The following ISM1 variants were observed in gnomAD, a reference collection of about 807,000 sequenced individuals.
The protein encoded by ISM1 is isthmin 1.
A neutral mutation model predicts 46.3 loss-of-function variants in ISM1; 25 were observed. The observed-to-expected ratio is 0.54, with a 90% CI of 0.39 to 0.75. ISM1 has a LOEUF of 0.75. ISM1 is among the 30% of genes least tolerant of loss of function. The probability of loss-of-function intolerance (pLI) is 0.00; values close to 1 mark genes in which losing one functional copy is unlikely to be tolerated. For synonymous variants in ISM1, 255 were observed against 256.7 expected, an observed-to-expected ratio of 0.99 and a Z score of 0.06; for missense variants, 536 against 625.4, an observed-to-expected ratio of 0.86 and a Z score of 1.52.
intron 1 of ISM1, among the ~76,000 whole-genome samples, chr20:13,268,225 T>G (rs1303038859): frequency 6.6e-6 from 1 of 150,980 alleles, no homozygotes; most frequent in Non-Finnish European, 1.5e-5. Context: ...CTTCTCTTTC[T>G]CTCTTCTATT....
At chr20:13,234,037 T>C (rs1375337221) in intron 1 of ISM1, among the ~76,000 whole-genome samples, 2 of 152,312 alleles carry the variant, frequency 1.3e-5, no homozygotes, top group South Asian at 2.1e-4. Flanking sequence ...TGTGTAGTAG[T>C]GAAGTCTGGG....
Position 13,221,722 on chromosome 20 carries a change from A to ACCGCCG in ISM1, c.-45_-40dup, listed in dbSNP as rs1211798321. 9.9e-6 allele frequency: 13 copies of ACCGCCG among 1,313,260 alleles called. No homozygotes were observed. Among genetic ancestry groups the ACCGCCG allele is most frequent in the Middle Eastern group, 2.8e-4 (1 of 3,516 alleles). The allele number at this position is 1,313,260 out of a possible 1,614,324, so 81.4% of individuals were successfully genotyped here. A position where few individuals can be genotyped will look rare whatever the true frequency, so the allele number is the denominator to read the frequency against. On this transcript the variant is annotated 5_prime_UTR_variant, in exon 1 of 6. Transcript: ENST00000262487. The stretch of plus-strand genomic sequence containing the variant: ...CTCCTACTCCTCCTCCCCCGGCGTC[A>ACCGCCG]CCGCCGCCGCCGCCGGCCGCCGCGC...
chr20:13,310,909 A>C, the ISM1 span, among the ~76,000 whole-genome samples: 1 of 152,326 alleles, frequency 6.6e-6, no homozygotes, highest in African/African-American at 2.4e-5. Flanking sequence ...AAAAATATAA[A>C]GAGGCCAGGC....
At chr20:13,238,390 A>C (rs959128666) in intron 1 of ISM1, among the ~76,000 whole-genome samples, 1 of 152,202 alleles carries the variant, frequency 6.6e-6, no homozygotes, top group Admixed American at 6.5e-5. Context: ...AAATGGCAAA[A>C]TTCATAGCCC....
At chr20:13,252,652 G>A (rs1314948111) in intron 1 of ISM1, among the ~76,000 whole-genome samples, 2 of 152,140 alleles carry the variant, frequency 1.3e-5, no homozygotes, top group Non-Finnish European at 2.9e-5. Context: ...ATACTCAGGA[G>A]GCTGAGGCAG....
At chr20:13,297,909 G>A (rs760334128) in intron 5 of ISM1, among the ~76,000 whole-genome samples, 4 of 151,996 alleles carry the variant, frequency 2.6e-5, no homozygotes, top group African/African-American at 7.2e-5. Flanking sequence ...TAAGTGCCCC[G>A]GGCTCCTTCC....
intron 2 of ISM1, among the ~76,000 whole-genome samples, chr20:13,278,753 C>T (rs1301266221): frequency 6.6e-6 from 1 of 152,192 alleles, no homozygotes; most frequent in Non-Finnish European, 1.5e-5. Context: ...GAGCTTGTCT[C>T]TGCTCCATGT....
intron 4 of ISM1, among the ~76,000 whole-genome samples, chr20:13,290,685 A>T (rs1296644124): frequency 1.3e-5 from 2 of 152,178 alleles, no homozygotes; most frequent in Non-Finnish European, 2.9e-5. Flanking sequence ...AAAGAAAATG[A>T]AGATAAAGGT....
Position 13,279,784 on chromosome 20 carries a change from G to C in ISM1, c.529G>C (p.Asp177His). Residue 177 changes from aspartate to histidine, a missense_variant, in exon 3 of 6, where the codon GAC becomes CAC. Physicochemically the swap from Asp to His is moderately conservative, Grantham distance 81. This residue lies in a region of ISM1 where 367 missense variants were observed against 376.1 expected (regional missense o/e 0.98). Transcript: ENST00000262487. Reference protein sequence around the residue: ...SLARANSGDQDYKYDSTSDDS... With the variant: ...SLARANSGDQHYKYDSTSDDS... ...GGCCAGGGCAAACAGCGGGGACCAGGACTACAAGTACGACAGTACCTCAGA... is the reference window on the plus strand; with the variant it reads ...GGCCAGGGCAAACAGCGGGGACCAGCACTACAAGTACGACAGTACCTCAGA... The C allele has an allele frequency of 6.2e-7, 1 of 1,614,034 alleles. No homozygotes were observed. The highest frequency in any genetic ancestry group is 8.5e-7 in the Non-Finnish European group (1 of 1,179,898).
chr20:13,274,500 T>G (rs1338313397), intron 2 of ISM1, among the ~76,000 whole-genome samples: 1 of 152,172 alleles, frequency 6.6e-6, no homozygotes, highest in Admixed American at 6.5e-5. Context: ...AGCTGGAGCC[T>G]GGGAGCTGAA....
Position 13,221,763 on chromosome 20 carries a change from C to A in ISM1, c.-14C>A, listed in dbSNP as rs2039451431. The A allele has an allele frequency of 2.8e-6, 4 of 1,429,554 alleles. No homozygotes were observed. The highest frequency in any genetic ancestry group is 1.5e-5 in the African/African-American group (1 of 67,274). 88.6% of individuals were successfully genotyped at this position (1,429,554 alleles called of 1,614,324 possible). On this transcript the variant is annotated 5_prime_UTR_variant, in exon 1 of 6. Transcript: ENST00000262487. ...GCCGCCGCGCCGGGTCCTAAAGCCG[C>A]GCGTCTCAAAAGGATGGTGCGCCTG... is the stretch of plus-strand genomic sequence containing the variant.
At chr20:13,223,090 G>A (rs1271388494) in intron 1 of ISM1, among the ~76,000 whole-genome samples, 1 of 151,912 alleles carries the variant, frequency 6.6e-6, no homozygotes, top group Admixed American at 6.6e-5. Flanking sequence ...TTGAACCCGG[G>A]AGGTTGTAGT....
chr20:13,297,758 G>C (rs1269021978), intron 5 of ISM1, among the ~76,000 whole-genome samples: 2 of 152,142 alleles, frequency 1.3e-5, no homozygotes, highest in African/African-American at 4.8e-5. Flanking sequence ...TTTATAATTG[G>C]AATAACCTAA....
intron 4 of ISM1, 57 bp downstream of exon 4, chr20:13,288,740 A>G (rs2040320877): frequency 1.3e-6 from 2 of 1,517,434 alleles, no homozygotes; most frequent in South Asian, 2.4e-5. Context: ...TTAATTTATC[A>G]TTAAAAACTT....
chr20:13,307,794 T>C, the ISM1 span, among the ~76,000 whole-genome samples: 1 of 152,360 alleles, frequency 6.6e-6, no homozygotes, highest in African/African-American at 2.4e-5. Context: ...ACATTTCCAA[T>C]GTGTGAATAT....
chr20:13,299,762 T>C lies in ISM1; in HGVS notation c.*303T>C. On this transcript the variant is annotated 3_prime_UTR_variant, in exon 6 of 6. Coordinates refer to ENST00000262487, the MANE Select transcript of ISM1 (RefSeq NM_080826.2). This position sits in a 1 kb window ranked among gnomAD's most constrained non-coding sequence, Gnocchi z 5.8. ...GGAAGCCACAGTGGGTGCGACTCAA[T>C]TCACACCCGGATCCAGAGTTTCAAA... The C allele has an allele frequency of 3.5e-6, 1 of 287,724 alleles. No homozygotes were observed. The highest frequency in any genetic ancestry group is 6.6e-6 in the Non-Finnish European group (1 of 152,634). The allele number at this position is 287,724 out of a possible 1,614,324, so 17.8% of individuals were successfully genotyped here.
chr20:13,270,623 C>G lies in ISM1; in HGVS notation c.258C>G (p.Phe86Leu). The change falls in exon 2 of 6, where the codon TTC becomes TTG. Residue 86 changes from phenylalanine (F) to leucine (L), a missense_variant. Around this residue, in one of 2 missense-constraint regions of ISM1, gnomAD observed 367 missense variants for 376.1 expected, o/e 0.98. Coordinates refer to ENST00000262487, the MANE Select transcript of ISM1 (RefSeq NM_080826.2). ...AAHQPFPRPR[F>L]RQETGHPSLQ... Reference sequence around the variant, plus strand: ...ACCAACCCTTCCCCAGACCGCGATTCCGACAAGAGACGGGGCACCCTTCAT... The same window carrying G: ...ACCAACCCTTCCCCAGACCGCGATTGCGACAAGAGACGGGGCACCCTTCAT... 1 of 1,614,006 alleles carries G rather than the reference C, an allele frequency of 6.2e-7. No homozygotes were observed.
At position 13,268,142 on chromosome 20, in the gene ISM1, T is replaced by C. The variant is rs145085032; in HGVS notation, c.139-2362T>C. Among the ~76,000 whole-genome samples, 1,138 of 150,074 alleles carry C rather than the reference T, an allele frequency of 7.6e-3. 16 individuals carry two copies. Among genetic ancestry groups the C allele is most frequent in the African/African-American group, 0.026 (1,058 of 40,798 alleles). ...TTCTCTTCTCTTCTCTTCTCTTCTC[T>C]TCTCTTCTCTTCCCTTCCCTTCTCT... On this transcript the variant is annotated intron_variant, in intron 1 of 5. Coordinates refer to ENST00000262487, the MANE Select transcript of ISM1 (RefSeq NM_080826.2).
At chr20:13,306,573 A>AAAAAAAAAAAAAAAAG in the ISM1 span, among the ~76,000 whole-genome samples, 1 of 148,662 alleles carries the variant, frequency 6.7e-6, no homozygotes, top group Admixed American at 6.6e-5. Context: ...ACAAAAAAAA[A>AAAAAAAAAAAAAAAAG]AAAAAAAAAA....
Sources: gnomAD v4.1 joint callset for allele counts (sites outside exome capture counted in the v4.1 genomes callset) on GRCh38, gnomAD v4.1.1 for gene constraint, gnomAD v4.1.1 regional missense constraint, Gnocchi (gnomAD v3.1) non-coding constraint, MANE v1.5 for transcripts, NCBI Gene and HGNC (gene_info 2026-07-23, HGNC 2026-07-21) for gene names.